CCNY: variants seen among roughly 807,000 people sequenced by gnomAD.
CCNY encodes cyclin Y.
Under a neutral mutation model 42.8 loss-of-function variants are expected in CCNY, and 19 were observed. That is an observed-to-expected ratio of 0.44 (90% CI 0.31 to 0.65). The LOEUF (loss-of-function observed/expected upper bound fraction) is 0.65, where lower values mean the gene tolerates loss of function less well. CCNY is among the 30% of genes least tolerant of loss of function. The pLI, the probability that CCNY is intolerant of heterozygous loss-of-function variation, is 0.07. For synonymous variants in CCNY, 165 were observed against 162.7 expected, an observed-to-expected ratio of 1.01 and a Z score of -0.11; for missense variants, 370 against 437.3, an observed-to-expected ratio of 0.85 and a Z score of 1.37.
intron 7 of CCNY, among the ~76,000 whole-genome samples, chr10:35,535,621 A>G (rs755259156): frequency 6.6e-6 from 1 of 152,186 alleles, no homozygotes; most frequent in Non-Finnish European, 1.5e-5. Context: ...GATTCAGCCA[A>G]CTGTAAAATG....
At chr10:35,400,677 A>G (rs1816922611) in intron 1 of CCNY, among the ~76,000 whole-genome samples, 1 of 152,180 alleles carries the variant, frequency 6.6e-6, no homozygotes, top group South Asian at 2.1e-4. Flanking sequence ...TGCAATATGT[A>G]CTTAAACAGT....
At chr10:35,263,020 C>T (rs1010669340) in intron 3 of CCNY, among the ~76,000 whole-genome samples, 1 of 151,816 alleles carries the variant, frequency 6.6e-6, no homozygotes, top group Non-Finnish European at 1.5e-5. Flanking sequence ...GAGTTCAAGA[C>T]CAGCCTGACT....
intron 1 of CCNY, among the ~76,000 whole-genome samples, chr10:35,345,110 G>A (rs924064541): frequency 8.2e-4 from 125 of 152,220 alleles, no homozygotes; most frequent in Middle Eastern, 3.4e-3. Flanking sequence ...ATGGCTGGGC[G>A]AAATGGTATT....
chr10:35,282,664 A>G (rs1835310893), intron 3 of CCNY, among the ~76,000 whole-genome samples: 1 of 150,010 alleles, frequency 6.7e-6, no homozygotes, highest in African/African-American at 2.5e-5. Flanking sequence ...CAGAGGTTGC[A>G]GTGAGCCAAG....
intron 3 of CCNY, among the ~76,000 whole-genome samples, chr10:35,319,015 T>C (rs1025648655): frequency 6.6e-6 from 1 of 152,164 alleles, no homozygotes. Context: ...TGGGCCGGAG[T>C]GCAGTGGCGG....
intron 3 of CCNY, among the ~76,000 whole-genome samples, chr10:35,307,577 T>C (rs1409728475): frequency 1.3e-5 from 2 of 152,016 alleles, no homozygotes; most frequent in Non-Finnish European, 2.9e-5. Flanking sequence ...GAGGCACAAT[T>C]CAGATCTTTA....
intron 7 of CCNY, among the ~76,000 whole-genome samples, chr10:35,542,190 G>T (rs529422066): frequency 4.7e-5 from 7 of 149,774 alleles, no homozygotes; most frequent in Admixed American, 3.3e-4. Flanking sequence ...TGTTTTTGAT[G>T]ATCTTGACAG....
chr10:35,562,284 G>A (rs940867253), intron 8 of CCNY, among the ~76,000 whole-genome samples: 1 of 152,096 alleles, frequency 6.6e-6, no homozygotes, highest in Non-Finnish European at 1.5e-5. Flanking sequence ...GGTTTCTGGT[G>A]GTGTTTTGTT....
intron 1 of CCNY, among the ~76,000 whole-genome samples, chr10:35,475,576 A>T (rs970015737): frequency 1.3e-5 from 2 of 150,182 alleles, no homozygotes; most frequent in Non-Finnish European, 3.0e-5. Context: ...TCCTTTACAG[A>T]CAAGCAAATG....
intron 1 of CCNY, among the ~76,000 whole-genome samples, chr10:35,421,016 C>T (rs534034397): frequency 6.6e-6 from 1 of 152,326 alleles, no homozygotes; most frequent in Admixed American, 6.5e-5. Context: ...TTGTTAGTCA[C>T]ACAGCCAGCC....
intron 1 of CCNY, among the ~76,000 whole-genome samples, chr10:35,346,107 A>G (rs1201620841): frequency 6.6e-6 from 1 of 152,204 alleles, no homozygotes; most frequent in Admixed American, 6.5e-5. Context: ...AATATGCTTT[A>G]TTATATTAAA....
At position 35,278,436 on chromosome 10, in the gene CCNY, C is replaced by T. The variant is rs1835263446; in HGVS notation, c.-9+27810C>T. On this transcript the variant is annotated intron_variant, in intron 3 of 11. Coordinates refer to the CCNY transcript ENST00000374706. ...TCCGCCCAACACTAGTGATGGGGTC[C>T]CTACTGCCAGCTTGCCAGCAGGGAT... 2.0e-5 allele frequency among the ~76,000 whole-genome samples: 3 copies of T among 152,048 alleles called. No homozygotes were observed. In the South Asian group the frequency reaches 6.2e-4, roughly 31 times the overall value.
At chr10:35,323,211 G>C (rs188866044) in intron 3 of CCNY, among the ~76,000 whole-genome samples, 7 of 152,266 alleles carry the variant, frequency 4.6e-5, no homozygotes, top group African/African-American at 1.7e-4. Flanking sequence ...TTACAGGCAT[G>C]AGCCACCGCA....
At chr10:35,292,781 G>GTT (rs71033391) in intron 3 of CCNY, among the ~76,000 whole-genome samples, 1,230 of 108,792 alleles carry the variant, frequency 0.011, 36 homozygotes, top group African/African-American at 0.037. Context: ...CTTTGTTTTT[G>GTT]TTTTTTTTTT....
chr10:35,459,666 C>T (rs886304789), intron 1 of CCNY, among the ~76,000 whole-genome samples: 1 of 152,152 alleles, frequency 6.6e-6, no homozygotes, highest in African/African-American at 2.4e-5. Context: ...CTCAGAACTC[C>T]TCCTAGGTTA....
At chr10:35,441,862 T>G (rs1347158393) in intron 1 of CCNY, among the ~76,000 whole-genome samples, 1 of 152,244 alleles carries the variant, frequency 6.6e-6, no homozygotes, top group Non-Finnish European at 1.5e-5. Flanking sequence ...TTAAATGAAG[T>G]TAATTACGTA....
chr10:35,486,060 A>G (rs1839782599), intron 2 of CCNY, among the ~76,000 whole-genome samples: 1 of 152,188 alleles, frequency 6.6e-6, no homozygotes, highest in Non-Finnish European at 1.5e-5. Context: ...ACATCTTTAC[A>G]ATGAAGGCTG....
chr10:35,281,582 C>T (rs950565561), intron 3 of CCNY, among the ~76,000 whole-genome samples: 1 of 152,042 alleles, frequency 6.6e-6, no homozygotes, highest in Non-Finnish European at 1.5e-5. Context: ...GGATTACAGG[C>T]GTGAGCCACT....
intron 3 of CCNY, among the ~76,000 whole-genome samples, chr10:35,297,972 A>G (rs1158073398): frequency 6.6e-6 from 1 of 151,994 alleles, no homozygotes; most frequent in Non-Finnish European, 1.5e-5. Flanking sequence ...GACATTCTTC[A>G]TGGAGCTAGA....
Sources: allele counts gnomAD v4.1 joint callset (sites outside exome capture counted in the v4.1 genomes callset), GRCh38; gene constraint gnomAD v4.1.1; transcripts MANE v1.5; gene names NCBI Gene and HGNC (gene_info 2026-07-23, HGNC 2026-07-21).